The following SMAD9 variants were observed in gnomAD, a reference collection of about 807,000 sequenced individuals.
The protein encoded by SMAD9 is MAD homolog 9.
SMAD9 carries 36 observed loss-of-function variants against 46.1 expected under a neutral mutation model. The observed-to-expected ratio is 0.78, with a 90% confidence interval of 0.60 to 1.03. The LOEUF (loss-of-function observed/expected upper bound fraction) is 1.03, where lower values mean the gene tolerates loss of function less well. SMAD9 is among the 50% of genes least tolerant of loss of function. The pLI, the probability that SMAD9 is intolerant of heterozygous loss-of-function variation, is 0.00. For missense variants in SMAD9, 572 were observed against 599.8 expected, an observed-to-expected ratio of 0.95 and a Z score of 0.48; for synonymous variants, 245 against 237.1, an observed-to-expected ratio of 1.03 and a Z score of -0.31.
chr13:36,891,989 A>G (rs2058492232), intron 1 of SMAD9, among the ~76,000 whole-genome samples: 1 of 152,214 alleles, frequency 6.6e-6, no homozygotes, highest in African/African-American at 2.4e-5. Flanking sequence ...GAGCTCATCC[A>G]TTGTAATGAG....
chr13:36,919,654 G>C (rs1468874996), intron 1 of SMAD9, among the ~76,000 whole-genome samples: 1 of 150,948 alleles, frequency 6.6e-6, no homozygotes, highest in Non-Finnish European at 1.5e-5. Flanking sequence ...GCCTATCCTG[G>C]TCCCTGCCCA....
At chr13:36,877,619 C>CT (rs559530689) in intron 2 of SMAD9, among the ~76,000 whole-genome samples, 5 of 148,850 alleles carry the variant, frequency 3.4e-5, no homozygotes, top group African/African-American at 9.9e-5. Flanking sequence ...ACATTATTGA[C>CT]TTTTTTTTTT....
chr13:36,851,832 T>C (rs2058077195), intron 6 of SMAD9: 1 of 982,140 alleles, frequency 1.0e-6, no homozygotes, highest in African/African-American at 1.8e-5. Context: ...GCTTTATGAA[T>C]GTAAATGCTG....
chr13:36,898,626 G>A (rs1229747310), intron 1 of SMAD9, among the ~76,000 whole-genome samples: 4 of 152,060 alleles, frequency 2.6e-5, no homozygotes, highest in African/African-American at 4.8e-5. Flanking sequence ...AAATTAGCAT[G>A]TTTCACCATA....
intron 1 of SMAD9, among the ~76,000 whole-genome samples, chr13:36,895,954 T>G (rs2138603122): frequency 6.6e-6 from 1 of 152,300 alleles, no homozygotes; most frequent in East Asian, 1.9e-4. Flanking sequence ...GAACTGCAGT[T>G]TCCTATTTAT....
At position 36,886,286 on chromosome 13, in the gene SMAD9, T is replaced by C. The variant is rs564035662; in HGVS notation, c.-186-6411A>G. ...CAAAGGACATGGGAGGAAAGCCACA[T>C]GGGTGCGTCCCCTGACAAGGCGAGA... is the stretch of plus-strand genomic sequence containing the variant. On this transcript the variant is annotated intron_variant, in intron 1 of 6. Coordinates refer to ENST00000379826, the MANE Select transcript of SMAD9 (RefSeq NM_001127217.3). 3.3e-5 allele frequency among the ~76,000 whole-genome samples: 5 copies of C among 152,322 alleles called. No individual in the cohort carries two copies. In the South Asian group the frequency reaches 1.0e-3, roughly 32 times the overall value.
At chr13:36,870,239 C>A (rs2058277565) in intron 3 of SMAD9, among the ~76,000 whole-genome samples, 1 of 152,162 alleles carries the variant, frequency 6.6e-6, no homozygotes. Flanking sequence ...CACAGGAAGT[C>A]TTTGTAGCAT....
intron 1 of SMAD9, among the ~76,000 whole-genome samples, chr13:36,909,269 G>A (rs916653932): frequency 6.6e-6 from 1 of 152,164 alleles, no homozygotes; most frequent in Non-Finnish European, 1.5e-5. Flanking sequence ...AGCAAAGACA[G>A]GAGTCTAAAG....
chr13:36,885,556 C>A (rs1475185056), intron 1 of SMAD9, among the ~76,000 whole-genome samples: 1 of 152,122 alleles, frequency 6.6e-6, no homozygotes, highest in Non-Finnish European at 1.5e-5. Flanking sequence ...GAAATGGTAT[C>A]ATAATTTCAC....
intron 3 of SMAD9, among the ~76,000 whole-genome samples, chr13:36,872,190 C>T (rs761910479): frequency 2.0e-5 from 3 of 152,112 alleles, no homozygotes; most frequent in Non-Finnish European, 2.9e-5. Flanking sequence ...CTGGCTGGAG[C>T]TGGGGCTTCA....
In SMAD9 at chr13:36,865,648, T is replaced by A. The variant is rs200467374; in HGVS notation, c.892A>T (p.Ile298Leu). 6.8e-6 allele frequency: 11 copies of A among 1,614,068 alleles called. No homozygotes were observed. The highest frequency in any genetic ancestry group is 9.3e-6 in the Non-Finnish European group (11 of 1,180,006). ...TTTGAAGGGTCGGTGAACCCATCTA[T>A]GAGCACACTTCGGGAGGAAGCCTGG... ...TFQASSRSVL[I>L]DGFTDPSNNR... Residue 298 changes from isoleucine (I) to leucine (L), a missense_variant, in exon 5 of 7, where the codon ATA becomes TTA. Coordinates refer to ENST00000379826, the MANE Select transcript of SMAD9 (RefSeq NM_001127217.3).
At chr13:36,907,132 C>A (rs1254895880) in intron 1 of SMAD9, among the ~76,000 whole-genome samples, 1 of 152,054 alleles carries the variant, frequency 6.6e-6, no homozygotes, top group African/African-American at 2.4e-5. Flanking sequence ...ATAAGCCAGA[C>A]ACAGAAGGAC....
intron 3 of SMAD9, among the ~76,000 whole-genome samples, chr13:36,868,024 A>C (rs1351798086): frequency 1.3e-5 from 2 of 152,234 alleles, no homozygotes; most frequent in Admixed American, 6.5e-5. Context: ...AGCACAAAAC[A>C]ACCAATTCCT....
At chr13:36,860,176 A>G (rs768011441) in intron 5 of SMAD9, among the ~76,000 whole-genome samples, 1 of 152,128 alleles carries the variant, frequency 6.6e-6, no homozygotes, top group Non-Finnish European at 1.5e-5. Context: ...CTTTCCGGTA[A>G]CATCTCTGCA....
chr13:36,882,086 A>G (rs1173681473), intron 1 of SMAD9, among the ~76,000 whole-genome samples: 13 of 152,280 alleles, frequency 8.5e-5, no homozygotes, highest in Admixed American at 5.2e-4. Flanking sequence ...CTATTTACCA[A>G]TGGCATGTGA....
intron 6 of SMAD9, 127 bp from the exon 7 acceptor site, chr13:36,848,946 A>T: frequency 1.2e-6 from 1 of 810,418 alleles, no homozygotes; most frequent in Non-Finnish European, 2.0e-6. Context: ...AGAGGGAGAG[A>T]ACATGGCCTC....
intron 1 of SMAD9, among the ~76,000 whole-genome samples, chr13:36,902,183 T>G (rs1204994607): frequency 6.6e-6 from 1 of 152,170 alleles, no homozygotes; most frequent in Non-Finnish European, 1.5e-5. Context: ...GATCTAACTT[T>G]ATTATTTTGC....
Position 36,845,890 on chromosome 13 carries a change from C to T in SMAD9, c.*2786G>A, listed in dbSNP as rs920097215. 6.6e-6 allele frequency: 1 copy of T among 152,142 alleles called. No individual in the cohort carries two copies. The highest frequency in any genetic ancestry group is 1.9e-4 in the East Asian group (1 of 5,184). The allele number at this position is 152,142 out of a possible 1,614,324, so 9.4% of individuals were successfully genotyped here. ...TGCCAATTTAATAATTTATTTGTCACAGAAAATTCAGATTCACTGCAATAT... is the reference window on the plus strand; with the variant it reads ...TGCCAATTTAATAATTTATTTGTCATAGAAAATTCAGATTCACTGCAATAT... On this transcript the variant is annotated 3_prime_UTR_variant, in exon 7 of 7. Transcript: ENST00000379826.
At chr13:36,879,996 C>G (rs1485449305) in intron 1 of SMAD9, 121 bp from the exon 2 acceptor site, 2 of 406,036 alleles carry the variant, frequency 4.9e-6, no homozygotes, top group Non-Finnish European at 9.1e-6. Flanking sequence ...GTGAATGGCT[C>G]GAGCCCAGGA....
Sources: gnomAD v4.1 joint callset for allele counts (sites outside exome capture counted in the v4.1 genomes callset) on GRCh38, gnomAD v4.1.1 for gene constraint, MANE v1.5 for transcripts, NCBI Gene and HGNC (gene_info 2026-07-23, HGNC 2026-07-21) for gene names.